CACNA1E: variants seen among roughly 807,000 people sequenced by gnomAD.
CACNA1E encodes the protein calcium voltage-gated channel subunit alpha1 E.
In CACNA1E, 40 loss-of-function variants were observed where a neutral mutation model predicts 259.2. The observed-to-expected ratio is 0.15, with a 90% CI of 0.12 to 0.20. The LOEUF (loss-of-function observed/expected upper bound fraction) is 0.20, where lower values mean the gene tolerates loss of function less well. Among genes scored for constraint, CACNA1E ranks in the 10% least tolerant of loss-of-function variants. The pLI, the probability that CACNA1E is intolerant of heterozygous loss-of-function variation, is 1.00. For missense variants in CACNA1E, 1,874 were observed against 3,040.1 expected, an observed-to-expected ratio of 0.62 and a Z score of 9.02; for synonymous variants, 1,104 against 1,138.5, an observed-to-expected ratio of 0.97 and a Z score of 0.61.
intron 5 of CACNA1E, among the ~76,000 whole-genome samples, chr1:181,579,724 G>A (rs1651332115): frequency 6.6e-6 from 1 of 152,200 alleles, no homozygotes; most frequent in African/African-American, 2.4e-5. Flanking sequence ...GCCTCTGACT[G>A]AATAAATAAG....
intron 6 of CACNA1E, among the ~76,000 whole-genome samples, chr1:181,614,153 G>A (rs1486354763): frequency 6.6e-6 from 1 of 152,072 alleles, no homozygotes; most frequent in Admixed American, 6.5e-5. Context: ...AAAGTATAAT[G>A]TTTTTGTACC....
intron 24 of CACNA1E, 96 bp from the exon 25 acceptor site, chr1:181,739,051 C>T (rs549772082): frequency 2.5e-6 from 2 of 794,562 alleles, no homozygotes; most frequent in African/African-American, 3.4e-5. Context: ...GTTGTGGAGA[C>T]AGTGGCAGTG....
intron 1 of CACNA1E, among the ~76,000 whole-genome samples, chr1:181,495,742 T>C (rs572290191): frequency 2.6e-5 from 4 of 152,224 alleles, no homozygotes; most frequent in Non-Finnish European, 4.4e-5. Flanking sequence ...GCCTGCCTTA[T>C]AAGACTGTTG....
intron 28 of CACNA1E, 42 bp downstream of exon 28, chr1:181,755,439 T>C (rs761304794): frequency 1.3e-6 from 2 of 1,531,254 alleles, no homozygotes; most frequent in African/African-American, 1.4e-5. Context: ...TGCTGAAGCA[T>C]GTCCTGATGA....
rs751268343 is a variant in CACNA1E, at chr1:181,717,182, A to G, written c.1405A>G (p.Ile469Val). 6 of 1,613,836 alleles carry G rather than the reference A, an allele frequency of 3.7e-6. No individual in the cohort carries two copies. The highest frequency in any genetic ancestry group is 1.7e-5 in the Admixed American group (1 of 60,002). Residue 469 changes from isoleucine (I) to valine (V), a missense_variant, in exon 11 of 48, where the codon ATT (isoleucine) becomes GTT (valine). Coordinates refer to ENST00000367573, the MANE Select transcript of CACNA1E (RefSeq NM_001205293.3). ...CAAGGAAAGGCTTCTGCGCATCTCC[A>G]TTCGCCACATGGTTAAATCCCAGGT... Reference protein sequence around the residue: ...RHKERLLRISIRHMVKSQVFY... With the variant: ...RHKERLLRISVRHMVKSQVFY...
At chr1:181,707,614 ACACTGATTATAGTGGAGT>A (rs934584641) in intron 7 of CACNA1E, among the ~76,000 whole-genome samples, 4 of 152,162 alleles carry the variant, frequency 2.6e-5, no homozygotes, top group African/African-American at 9.7e-5. Flanking sequence ...AGTCTAATTT[ACACTGATTATAGTGGAGT>A]CAAATGAAGA....
intron 2 of CACNA1E, among the ~76,000 whole-genome samples, chr1:181,471,606 T>G (rs1433457662): frequency 6.6e-6 from 1 of 152,192 alleles, no homozygotes; most frequent in African/African-American, 2.4e-5. Flanking sequence ...CCCAATGTTT[T>G]TCAATTAAGA....
chr1:181,342,795 C>T (rs116551512), intron 1 of CACNA1E, among the ~76,000 whole-genome samples: 1,631 of 152,232 alleles, frequency 0.011, 12 homozygotes, highest in Middle Eastern at 0.017. Flanking sequence ...AAGTGGGCTT[C>T]GGGGTAGAAC....
At chr1:181,460,421 T>A (rs1173068138) in intron 2 of CACNA1E, among the ~76,000 whole-genome samples, 3 of 152,176 alleles carry the variant, frequency 2.0e-5, no homozygotes, top group Non-Finnish European at 4.4e-5. Flanking sequence ...AGAAGCATAC[T>A]GGGTAGTGGG....
chr1:181,734,153 T>C (rs570350550), intron 21 of CACNA1E, among the ~76,000 whole-genome samples: 2 of 152,274 alleles, frequency 1.3e-5, no homozygotes, highest in African/African-American at 4.8e-5. Context: ...CTGAGTGATC[T>C]TGGAAAAATC....
chr1:181,328,037 C>T (rs1162238566), intron 1 of CACNA1E, among the ~76,000 whole-genome samples: 1 of 152,168 alleles, frequency 6.6e-6, no homozygotes, highest in Non-Finnish European at 1.5e-5. Flanking sequence ...CAGGTGTCTT[C>T]ACATAGTTGC....
intron 6 of CACNA1E, among the ~76,000 whole-genome samples, chr1:181,628,364 T>TA (rs1255301553): frequency 3.9e-5 from 6 of 152,236 alleles, no homozygotes; most frequent in Non-Finnish European, 8.8e-5. Context: ...ATTCTTCTAT[T>TA]AAAAAATTGA....
intron 1 of CACNA1E, among the ~76,000 whole-genome samples, chr1:181,390,643 T>C (rs1040084879): frequency 6.6e-6 from 1 of 152,124 alleles, no homozygotes; most frequent in African/African-American, 2.4e-5. Flanking sequence ...GTACGAGGCT[T>C]GAGCCTGAAA....
chr1:181,395,794 C>T (rs1000006915), intron 1 of CACNA1E, among the ~76,000 whole-genome samples: 5 of 152,162 alleles, frequency 3.3e-5, no homozygotes, highest in East Asian at 1.9e-4. Context: ...AGTGTGATGT[C>T]GTGGAAGCCA....
At chr1:181,664,175 G>A (rs1647968547) in intron 7 of CACNA1E, among the ~76,000 whole-genome samples, 1 of 152,190 alleles carries the variant, frequency 6.6e-6, no homozygotes, top group South Asian at 2.1e-4. Context: ...AAATGTAAGT[G>A]TGATTTTAGG....
At chr1:181,768,319 AAGGG>A (rs1490729542) in intron 35 of CACNA1E, among the ~76,000 whole-genome samples, 1 of 152,144 alleles carries the variant, frequency 6.6e-6, no homozygotes, top group East Asian at 1.9e-4. Context: ...AGGGGGGAGA[AAGGG>A]AGGGAGTGAA....
chr1:181,578,196 A>G (rs1457327751), intron 4 of CACNA1E, among the ~76,000 whole-genome samples: 1 of 152,170 alleles, frequency 6.6e-6, no homozygotes, highest in Non-Finnish European at 1.5e-5. Context: ...ATTTTAATAT[A>G]ATTGAAATCG....
chr1:181,590,414 A>ATATATGTATATATAT (rs1206091612), intron 6 of CACNA1E, among the ~76,000 whole-genome samples: 1 of 125,674 alleles, frequency 8.0e-6, no homozygotes, highest in African/African-American at 3.1e-5. Flanking sequence ...AAAAAAAAAA[A>ATATATGTATATATAT]AAATATATAT....
chr1:181,504,460 C>A (rs191594959), intron 1 of CACNA1E, among the ~76,000 whole-genome samples: 1 of 152,344 alleles, frequency 6.6e-6, no homozygotes. Context: ...GTACAGAGGT[C>A]TTCAGGATGA....
Sources: gnomAD v4.1 joint callset for allele counts (sites outside exome capture counted in the v4.1 genomes callset) on GRCh38, gnomAD v4.1.1 for gene constraint, MANE v1.5 for transcripts, NCBI Gene and HGNC (gene_info 2026-07-23, HGNC 2026-07-21) for gene names.